Variants in ST8SIA1 observed in about 807,000 individuals in gnomAD.
The protein encoded by ST8SIA1 is alpha-N-acetylneuraminide alpha-2,8-sialyltransferase.
ST8SIA1 carries 16 observed loss-of-function variants against 35.9 expected under a neutral mutation model. The observed-to-expected ratio is 0.45, with a 90% CI of 0.30 to 0.68. ST8SIA1 has a LOEUF of 0.68. Among genes scored for constraint, ST8SIA1 ranks in the 30% least tolerant of loss-of-function variants. The pLI is 0.09. For missense variants in ST8SIA1, 383 were observed against 453.6 expected, an observed-to-expected ratio of 0.84 and a Z score of 1.41; for synonymous variants, 170 against 169.6, an observed-to-expected ratio of 1.00 and a Z score of -0.02.
chr12:22,244,153 T>A (rs1438981690), intron 4 of ST8SIA1, among the ~76,000 whole-genome samples: 1 of 152,200 alleles, frequency 6.6e-6, no homozygotes, highest in Non-Finnish European at 1.5e-5. Context: ...TGAGAACCTT[T>A]AAAATTAACT....
In ST8SIA1 at chr12:22,263,481, T is replaced by C. The variant is rs150268155; in HGVS notation, c.382-8092A>G. On this transcript the variant is annotated intron_variant, in intron 2 of 4. Coordinates refer to ENST00000396037, the MANE Select transcript of ST8SIA1 (RefSeq NM_003034.4). ...AAATTATTTATGAAAGCGTATTGTT[T>C]TAGAAATTTAAAATAATGAGGCTAT... Among the ~76,000 whole-genome samples the C allele has an allele frequency of 4.4e-3, 669 of 152,326 alleles. 5 individuals carry two copies. The highest frequency in any genetic ancestry group is 0.016 in the African/African-American group (647 of 41,570).
intron 2 of ST8SIA1, among the ~76,000 whole-genome samples, chr12:22,286,196 T>C (rs67228943): frequency 0.11 from 16,368 of 152,190 alleles, 1,120 homozygotes; most frequent in Middle Eastern, 0.24. Flanking sequence ...AGAAAAACCT[T>C]ATCACTGCAT....
At chr12:22,222,383 AT>A in intron 4 of ST8SIA1, among the ~76,000 whole-genome samples, 1 of 152,202 alleles carries the variant, frequency 6.6e-6, no homozygotes, top group Non-Finnish European at 1.5e-5. Flanking sequence ...CTACTCGAGT[AT>A]TTTTATTTTG....
At chr12:22,248,834 G>A in intron 4 of ST8SIA1, 172 bp downstream of exon 4, 5 of 536,352 alleles carry the variant, frequency 9.3e-6, no homozygotes, top group Non-Finnish European at 1.7e-5. Flanking sequence ...AATATTGTTT[G>A]GATTCCCATA....
intron 2 of ST8SIA1, among the ~76,000 whole-genome samples, chr12:22,286,253 A>G (rs1866100122): frequency 6.6e-6 from 1 of 152,256 alleles, no homozygotes; most frequent in African/African-American, 2.4e-5. Context: ...TGAGCTAGTC[A>G]GCATGGCTGT....
intron 3 of ST8SIA1, among the ~76,000 whole-genome samples, chr12:22,251,733 A>G (rs535303723): frequency 2.6e-4 from 39 of 152,340 alleles, no homozygotes; most frequent in African/African-American, 8.7e-4. Flanking sequence ...ATTAATGACT[A>G]AAGTGTCTTA....
At chr12:22,321,416 C>A (rs1278103803) in intron 1 of ST8SIA1, among the ~76,000 whole-genome samples, 2 of 152,178 alleles carry the variant, frequency 1.3e-5, no homozygotes, top group African/African-American at 2.4e-5. Context: ...ATGAATATTC[C>A]CCTCCTCCCT....
chr12:22,291,472 C>T (rs1382346147), intron 1 of ST8SIA1, among the ~76,000 whole-genome samples: 1 of 152,212 alleles, frequency 6.6e-6, no homozygotes, highest in African/African-American at 2.4e-5. Flanking sequence ...TTAGACTTAG[C>T]TTTTGGAAGG....
At chr12:22,316,084 TAAAC>T (rs1467763203) in intron 1 of ST8SIA1, among the ~76,000 whole-genome samples, 1 of 152,168 alleles carries the variant, frequency 6.6e-6, no homozygotes. Context: ...TAAATATTCT[TAAAC>T]AAGAAGTTTC....
intron 2 of ST8SIA1, among the ~76,000 whole-genome samples, chr12:22,280,682 C>T (rs987306695): frequency 1.3e-5 from 2 of 152,146 alleles, no homozygotes; most frequent in African/African-American, 4.8e-5. Context: ...ATTTGAAAAA[C>T]AAGACATCTT....
At chr12:22,220,437 T>C (rs950466830) in intron 4 of ST8SIA1, among the ~76,000 whole-genome samples, 20 of 152,120 alleles carry the variant, frequency 1.3e-4, no homozygotes, top group African/African-American at 4.8e-4. Flanking sequence ...CACCTAACAA[T>C]TCTACCATTC....
intron 1 of ST8SIA1, among the ~76,000 whole-genome samples, chr12:22,288,929 TC>T (rs554466299): frequency 3.9e-5 from 6 of 152,292 alleles, no homozygotes; most frequent in African/African-American, 9.6e-5. Context: ...AGGGTCTCAC[TC>T]TATTGCCCAG....
At chr12:22,231,157 C>T (rs978820532) in intron 4 of ST8SIA1, among the ~76,000 whole-genome samples, 2 of 147,996 alleles carry the variant, frequency 1.4e-5, no homozygotes, top group African/African-American at 2.5e-5. Context: ...CATAATAATA[C>T]ATATATAATA....
chr12:22,334,542 G>T lies in ST8SIA1; in HGVS notation c.-310C>A. On this transcript the variant is annotated 5_prime_UTR_variant, in exon 1 of 5. Transcript: ENST00000396037. The stretch of plus-strand genomic sequence containing the variant: ...TCCGAGTGCGCAGAGAGCGGCGGCG[G>T]CGAGTCGCTCCCGCCGGTTCTGCAG... 2.3e-6 allele frequency: 1 copy of T among 430,522 alleles called. No homozygotes were observed. The highest frequency in any genetic ancestry group is 4.2e-6 in the Non-Finnish European group (1 of 237,166). 26.7% of individuals were successfully genotyped at this position (430,522 alleles called of 1,614,324 possible).
chr12:22,219,779 G>C (rs1039660662), intron 4 of ST8SIA1, among the ~76,000 whole-genome samples: 1 of 152,106 alleles, frequency 6.6e-6, no homozygotes, highest in African/African-American at 2.4e-5. Flanking sequence ...ACTACGTTAG[G>C]AGGCTGCTAT....
chr12:22,261,770 C>T (rs887316462), intron 2 of ST8SIA1, among the ~76,000 whole-genome samples: 1 of 152,102 alleles, frequency 6.6e-6, no homozygotes, highest in Non-Finnish European at 1.5e-5. Flanking sequence ...CTGAGATACC[C>T]CTTATCCTCA....
chr12:22,331,816 G>A (rs1184062256), intron 1 of ST8SIA1, among the ~76,000 whole-genome samples: 1 of 152,122 alleles, frequency 6.6e-6, no homozygotes, highest in Admixed American at 6.5e-5. Flanking sequence ...CTGTAAATCT[G>A]GCAGGAGAAA....
chr12:22,243,496 T>C (rs1421439835), intron 4 of ST8SIA1, among the ~76,000 whole-genome samples: 2 of 152,248 alleles, frequency 1.3e-5, no homozygotes, highest in Non-Finnish European at 2.9e-5. Context: ...AATCCCTATA[T>C]ACAAGTGTTT....
rs116372801 is a variant in ST8SIA1, at chr12:22,268,860, T to G, written c.382-13471A>C. Among the ~76,000 whole-genome samples, 162 of 152,194 alleles carry G rather than the reference T, an allele frequency of 1.1e-3. 1 individual carries two copies. The highest frequency in any genetic ancestry group is 3.9e-3 in the African/African-American group (160 of 41,528). On this transcript the variant is annotated intron_variant, in intron 2 of 4. Transcript: ENST00000396037. The stretch of plus-strand genomic sequence containing the variant: ...CCAAAGCAGCAGGATAAGAAGCTGC[T>G]CATGCCCTACTCATGGGCATGGGAG...
Sources: allele counts gnomAD v4.1 joint callset (sites outside exome capture counted in the v4.1 genomes callset), GRCh38; gene constraint gnomAD v4.1.1; transcripts MANE v1.5; gene names NCBI Gene and HGNC (gene_info 2026-07-23, HGNC 2026-07-21).